Variants in CHD2 observed in about 807,000 individuals in gnomAD.
CHD2 encodes chromodomain helicase DNA binding protein 2.
Under a neutral mutation model 243.9 loss-of-function variants are expected in CHD2, and 28 were observed. The ratio of observed to expected loss-of-function variants is 0.11; its 90% CI spans 0.09 to 0.16. The LOEUF (loss-of-function observed/expected upper bound fraction) is 0.16, where lower values mean the gene tolerates loss of function less well. Ranked by LOEUF, CHD2 falls within the 10% of genes least tolerant of loss-of-function variation. The pLI, the probability that CHD2 is intolerant of heterozygous loss-of-function variation, is 1.00. For synonymous variants in CHD2, 775 were observed against 779.0 expected (o/e 0.99, Z 0.09); for missense variants, 1,386 against 2,209.8 (o/e 0.63, Z 7.47).
intron 14 of CHD2, 152 bp downstream of exon 14, chr15:92,953,725 A>G: frequency 1.5e-6 from 1 of 685,186 alleles, no homozygotes; most frequent in Non-Finnish European, 2.4e-6. Flanking sequence ...TCTATCACAA[A>G]AGTGCAACTC....
At chr15:92,927,431 G>A (rs937157006) in intron 4 of CHD2, 101 bp downstream of exon 4, 13 of 812,708 alleles carry the variant, frequency 1.6e-5, no homozygotes, top group African/African-American at 1.2e-4. Flanking sequence ...TGAACTTCAG[G>A]CATGAGGGTT....
chr15:92,989,256 G>A (rs1014193254), intron 26 of CHD2, among the ~76,000 whole-genome samples: 2 of 151,662 alleles, frequency 1.3e-5, no homozygotes, highest in East Asian at 1.9e-4. Context: ...GGTCTCGAAC[G>A]CCTGACCTCA....
At position 92,967,531 on chromosome 15, in the gene CHD2, T is replaced by A; in HGVS notation, c.2189+18T>A. 1.2e-6 allele frequency: 2 copies of A among 1,610,384 alleles called. No individual in the cohort carries two copies. The highest frequency in any genetic ancestry group is 1.7e-6 in the Non-Finnish European group (2 of 1,177,170). ...TATTACAAGTAAGTTCTTGTTTGGG[T>A]TAGGCCTGAAGGGGTTGAGATCAGT... On this transcript the variant is annotated intron_variant, in intron 17 of 38. Coordinates refer to ENST00000394196, the MANE Select transcript of CHD2 (RefSeq NM_001271.4).
chr15:92,967,591 T>C (rs1169160185), intron 17 of CHD2, 78 bp downstream of exon 17: 3 of 944,648 alleles, frequency 3.2e-6, no homozygotes, highest in Non-Finnish European at 2.9e-6. Flanking sequence ...TATATATATA[T>C]ACTTTTGTTT....
chr15:93,011,731 A>T (rs1305418999), intron 35 of CHD2, among the ~76,000 whole-genome samples: 4 of 152,188 alleles, frequency 2.6e-5, no homozygotes, highest in Non-Finnish European at 4.4e-5. Flanking sequence ...GCGCAGTAAC[A>T]CCATGCTAGG....
At chr15:92,991,305 C>A in intron 26 of CHD2, 171 bp from the exon 27 acceptor site, 1 of 488,174 alleles carries the variant, frequency 2.0e-6, no homozygotes, top group Non-Finnish European at 3.6e-6. Context: ...TTTAAGTTGA[C>A]TAGTTTCAAA....
chr15:92,965,359 A>G (rs1463133824), intron 16 of CHD2: 2 of 152,212 alleles, frequency 1.3e-5, no homozygotes, highest in East Asian at 3.9e-4. Context: ...GATCGAGACC[A>G]TCCTGGCTAA....
intron 2 of CHD2, among the ~76,000 whole-genome samples, chr15:92,906,060 T>C (rs1218248138): frequency 5.9e-5 from 9 of 152,262 alleles, no homozygotes; most frequent in Admixed American, 5.9e-4. Flanking sequence ...TTAACCTAAA[T>C]ACCATTATGA....
intron 34 of CHD2, among the ~76,000 whole-genome samples, chr15:93,008,098 A>G (rs1170375428): frequency 6.6e-6 from 1 of 152,196 alleles, no homozygotes; most frequent in East Asian, 1.9e-4. Flanking sequence ...AGTCAGGATC[A>G]TTTGGTGTTT....
intron 2 of CHD2, chr15:92,902,466 A>G (rs111969873): frequency 8.3e-5 from 25 of 299,868 alleles, no homozygotes; most frequent in African/African-American, 4.3e-4. Flanking sequence ...TTTATAAATA[A>G]TACACTTTTC....
At chr15:93,011,898 T>A (rs544528003) in intron 35 of CHD2, among the ~76,000 whole-genome samples, 5 of 152,220 alleles carry the variant, frequency 3.3e-5, no homozygotes, top group African/African-American at 1.2e-4. Context: ...GCTGATGGAT[T>A]TGTGGTAGAG....
At chr15:92,970,668 A>G (rs761838004) in intron 17 of CHD2, among the ~76,000 whole-genome samples, 4 of 152,116 alleles carry the variant, frequency 2.6e-5, no homozygotes, top group Non-Finnish European at 4.4e-5. Context: ...TTAATGATAC[A>G]TGGCTGAAGA....
chr15:92,953,338 T>C lies in CHD2; in HGVS notation c.1503-19T>C, dbSNP rs1390489313. ...GAACTAATGATTTTTTTGTTTTTAT[T>C]TATTTTTTCTTTCTGCAGAAATAAT... On this transcript the variant is annotated intron_variant, in intron 13 of 38. Transcript: ENST00000394196. 4 of 1,606,244 alleles carry C rather than the reference T, an allele frequency of 2.5e-6. No homozygotes were observed. In the African/African-American group the frequency reaches 5.4e-5, roughly 22 times the overall value.
At chr15:92,968,398 C>A (rs571724626) in intron 17 of CHD2, among the ~76,000 whole-genome samples, 1 of 152,282 alleles carries the variant, frequency 6.6e-6, no homozygotes, top group South Asian at 2.1e-4. Flanking sequence ...TTCCTCTGAA[C>A]TGTGTTTTCT....
intron 2 of CHD2, among the ~76,000 whole-genome samples, chr15:92,912,148 T>G (rs771823707): frequency 2.7e-5 from 4 of 148,968 alleles, no homozygotes; most frequent in Non-Finnish European, 5.9e-5. Context: ...TTCAAGTTTG[T>G]TTTTTTTTGT....
intron 20 of CHD2, among the ~76,000 whole-genome samples, chr15:92,977,254 A>G (rs1328548278): frequency 6.6e-6 from 1 of 152,138 alleles, no homozygotes; most frequent in African/African-American, 2.4e-5. Flanking sequence ...TCACTTCTTT[A>G]TTGGAATTGT....
chr15:92,915,809 C>G (rs566148307), intron 2 of CHD2, among the ~76,000 whole-genome samples: 21 of 152,134 alleles, frequency 1.4e-4, no homozygotes, highest in Non-Finnish European at 2.8e-4. Flanking sequence ...GCAAACCTGC[C>G]TCCCATTTTT....
chr15:92,949,880 GTTTTT>G (rs1340751426), intron 13 of CHD2, among the ~76,000 whole-genome samples: 3 of 152,186 alleles, frequency 2.0e-5, no homozygotes, highest in Non-Finnish European at 4.4e-5. Context: ...AAAAGCAGAG[GTTTTT>G]ATCCCTGACT....
At chr15:92,958,892 G>A (rs959673015) in intron 16 of CHD2, among the ~76,000 whole-genome samples, 2 of 152,138 alleles carry the variant, frequency 1.3e-5, no homozygotes, top group African/African-American at 4.8e-5. Flanking sequence ...GGTAGGCTAC[G>A]GTGTGATGTT....
Sources: allele counts gnomAD v4.1 joint callset (sites outside exome capture counted in the v4.1 genomes callset), GRCh38; gene constraint gnomAD v4.1.1; transcripts MANE v1.5; gene names NCBI Gene and HGNC (gene_info 2026-07-23, HGNC 2026-07-21).